DGKI: variants seen among roughly 807,000 people sequenced by gnomAD.
The protein encoded by DGKI is DAG kinase iota.
DGKI carries 55 observed loss-of-function variants against 147.5 expected under a neutral mutation model. The ratio of observed to expected loss-of-function variants is 0.37; its 90% CI spans 0.30 to 0.47. The LOEUF is 0.47. Among genes scored for constraint, DGKI ranks in the 20% least tolerant of loss-of-function variants. The pLI is 1.00. For synonymous variants in DGKI, 469 were observed against 477.1 expected, an observed-to-expected ratio of 0.98 and a Z score of 0.22; for missense variants, 1,007 against 1,323.8, an observed-to-expected ratio of 0.76 and a Z score of 3.71.
At chr7:137,636,617 T>A (rs543216903) in intron 6 of DGKI, among the ~76,000 whole-genome samples, 1 of 152,154 alleles carries the variant, frequency 6.6e-6, no homozygotes, top group Admixed American at 6.5e-5. Flanking sequence ...TCTTCAGGAA[T>A]TGCCCTGAGC....
At chr7:137,754,118 G>A (rs989104971) in intron 1 of DGKI, among the ~76,000 whole-genome samples, 3 of 152,136 alleles carry the variant, frequency 2.0e-5, no homozygotes, top group Admixed American at 6.5e-5. Flanking sequence ...GGCACTGTGG[G>A]CCAGGGGCAG....
chr7:137,829,896 G>A (rs917765734), intron 1 of DGKI, among the ~76,000 whole-genome samples: 1 of 152,184 alleles, frequency 6.6e-6, no homozygotes, highest in Non-Finnish European at 1.5e-5. Flanking sequence ...TCAAAAGGAG[G>A]ACGATGCAGG....
At chr7:137,660,095 A>C (rs1277961537) in intron 3 of DGKI, among the ~76,000 whole-genome samples, 1 of 152,230 alleles carries the variant, frequency 6.6e-6, no homozygotes, top group South Asian at 2.1e-4. Flanking sequence ...TCATCAATGA[A>C]TTTAAAGGCC....
intron 28 of DGKI, among the ~76,000 whole-genome samples, chr7:137,421,697 T>C (rs1201585234): frequency 6.6e-6 from 1 of 152,254 alleles, no homozygotes; most frequent in African/African-American, 2.4e-5. Flanking sequence ...TTCACATGTC[T>C]AAGTTCCACT....
At chr7:137,797,449 G>A (rs547153606) in intron 1 of DGKI, among the ~76,000 whole-genome samples, 1 of 152,024 alleles carries the variant, frequency 6.6e-6, no homozygotes, top group Admixed American at 6.6e-5. Context: ...AGATTTAAAT[G>A]GAAACAGCAT....
intron 19 of DGKI, among the ~76,000 whole-genome samples, chr7:137,561,046 T>A (rs180746848): frequency 1.3e-5 from 2 of 152,034 alleles, no homozygotes; most frequent in African/African-American, 4.8e-5. Flanking sequence ...AATGGAAGTA[T>A]CATATGATCC....
At chr7:137,696,692 CTT>C (rs1482459963) in intron 1 of DGKI, among the ~76,000 whole-genome samples, 4 of 150,122 alleles carry the variant, frequency 2.7e-5, no homozygotes. Flanking sequence ...TATGGTATCA[CTT>C]GAGGGAAAAA....
At chr7:137,650,085 G>A (rs561475778) in intron 5 of DGKI, among the ~76,000 whole-genome samples, 3 of 152,062 alleles carry the variant, frequency 2.0e-5, no homozygotes, top group Non-Finnish European at 4.4e-5. Context: ...ATTAGTAGTA[G>A]TAAGAATTCT....
At chr7:137,587,062 T>C (rs770616854) in intron 13 of DGKI, 35 bp downstream of exon 13, 14 of 1,453,684 alleles carry the variant, frequency 9.6e-6, no homozygotes, top group Middle Eastern at 1.8e-4. Flanking sequence ...GTTTGTTGTT[T>C]GATGATATGG....
At chr7:137,743,987 A>G (rs1585434327) in intron 1 of DGKI, among the ~76,000 whole-genome samples, 1 of 114,006 alleles carries the variant, frequency 8.8e-6, no homozygotes, top group African/African-American at 4.5e-5. Context: ...CATCTCAAAA[A>G]AGAAAAAAAA....
chr7:137,393,966 G>A (rs1321760010), intron 32 of DGKI, among the ~76,000 whole-genome samples: 3 of 152,166 alleles, frequency 2.0e-5, no homozygotes, highest in Non-Finnish European at 4.4e-5. Flanking sequence ...TGGAGCTTAA[G>A]CCATTAATTA....
intron 12 of DGKI, among the ~76,000 whole-genome samples, chr7:137,589,154 T>G (rs1407426242): frequency 6.6e-6 from 1 of 152,172 alleles, no homozygotes; most frequent in African/African-American, 2.4e-5. Context: ...TCAGTGAACT[T>G]GCAGATTGAT....
At chr7:137,839,063 C>T (rs1486534838) in intron 1 of DGKI, among the ~76,000 whole-genome samples, 3 of 152,154 alleles carry the variant, frequency 2.0e-5, no homozygotes, top group African/African-American at 7.2e-5. Context: ...CTCTGAGACC[C>T]CTCTCACCCA....
chr7:137,503,276 T>A (rs1156297008), intron 21 of DGKI, among the ~76,000 whole-genome samples: 2 of 152,198 alleles, frequency 1.3e-5, no homozygotes, highest in East Asian at 3.8e-4. Flanking sequence ...CAGATGCTAA[T>A]TATTATTGGG....
chr7:137,770,590 G>A lies in DGKI; in HGVS notation c.401+75872C>T, dbSNP rs1217413816. Among the ~76,000 whole-genome samples the A allele has an allele frequency of 1.1e-4, 5 of 46,220 alleles. 1 individual carries two copies. Among genetic ancestry groups the A allele is most frequent in the Non-Finnish European group, 1.8e-4 (5 of 28,336 alleles). 30.3% of individuals were successfully genotyped at this position (46,220 alleles called of 152,430 possible). A position where few individuals can be genotyped will look rare whatever the true frequency, so the allele number is the denominator to read the frequency against. On this transcript the variant is annotated intron_variant, in intron 1 of 32. Coordinates refer to ENST00000614521, the MANE Select transcript of DGKI (RefSeq NM_001321708.2). The stretch of plus-strand genomic sequence containing the variant: ...GCTCTGTCGCCCAGGCTGGAGTGCA[G>A]TGGCGGGATCTCGGCTCACTGCAAG...
intron 6 of DGKI, among the ~76,000 whole-genome samples, chr7:137,628,983 G>A (rs1821037380): frequency 6.6e-6 from 1 of 152,084 alleles, no homozygotes; most frequent in Admixed American, 6.6e-5. Context: ...CTGACCATAG[G>A]CTGATTCCCT....
intron 28 of DGKI, among the ~76,000 whole-genome samples, chr7:137,437,171 A>C (rs966509237): frequency 5.9e-5 from 9 of 152,200 alleles, no homozygotes; most frequent in African/African-American, 2.2e-4. Flanking sequence ...AAGCACCAGA[A>C]ATATGTATAC....
At chr7:137,618,977 C>T (rs943565905) in intron 8 of DGKI, among the ~76,000 whole-genome samples, 63 of 152,142 alleles carry the variant, frequency 4.1e-4, no homozygotes, top group African/African-American at 1.5e-3. Flanking sequence ...AAACCTGAGT[C>T]AATGAGAATG....
At chr7:137,393,434 C>T (rs1811438242) in intron 32 of DGKI, among the ~76,000 whole-genome samples, 1 of 152,040 alleles carries the variant, frequency 6.6e-6, no homozygotes, top group African/African-American at 2.4e-5. Flanking sequence ...GTAGGACCAG[C>T]CTTTGTGTGG....
Sources: allele counts gnomAD v4.1 joint callset (sites outside exome capture counted in the v4.1 genomes callset), GRCh38; gene constraint gnomAD v4.1.1; transcripts MANE v1.5; gene names NCBI Gene and HGNC (gene_info 2026-07-23, HGNC 2026-07-21).